The following RAPGEF4 variants were observed in gnomAD, a reference collection of about 807,000 sequenced individuals.
The protein encoded by RAPGEF4 is RAP guanine-nucleotide-exchange factor (GEF) 4.
A neutral mutation model predicts 147.9 loss-of-function variants in RAPGEF4; 66 were observed. That is an observed-to-expected ratio of 0.45 (90% CI 0.37 to 0.55). RAPGEF4 has a LOEUF of 0.55. Among genes scored for constraint, RAPGEF4 ranks in the 20% least tolerant of loss-of-function variants. The pLI is 0.00. For missense variants in RAPGEF4, 1,071 were observed against 1,257.3 expected, an observed-to-expected ratio of 0.85 and a Z score of 2.24; for synonymous variants, 419 against 442.7, an observed-to-expected ratio of 0.95 and a Z score of 0.67.
At chr2:172,876,180 C>G (rs185619366) in intron 4 of RAPGEF4, among the ~76,000 whole-genome samples, 21 of 152,234 alleles carry the variant, frequency 1.4e-4, no homozygotes, top group African/African-American at 4.6e-4. Context: ...AATATACAAT[C>G]AAGTCATCTG....
At chr2:172,799,742 TAAG>T (rs1686779506) in intron 3 of RAPGEF4, among the ~76,000 whole-genome samples, 2 of 151,562 alleles carry the variant, frequency 1.3e-5, no homozygotes, top group South Asian at 2.1e-4. Flanking sequence ...AGATGAGAAT[TAAG>T]GAGGAGAAAA....
chr2:172,991,629 A>G (rs998036275), intron 15 of RAPGEF4, among the ~76,000 whole-genome samples: 1 of 152,222 alleles, frequency 6.6e-6, no homozygotes, highest in Non-Finnish European at 1.5e-5. Context: ...AAATTGCAGA[A>G]TCTAGTTTTT....
chr2:172,865,427 C>G (rs1250216731), intron 4 of RAPGEF4, among the ~76,000 whole-genome samples: 1 of 152,174 alleles, frequency 6.6e-6, no homozygotes, highest in Non-Finnish European at 1.5e-5. Flanking sequence ...CTCCAGGAAG[C>G]CTTGGAAGGC....
chr2:172,755,994 C>T (rs1695736642), intron 1 of RAPGEF4, among the ~76,000 whole-genome samples: 1 of 152,176 alleles, frequency 6.6e-6, no homozygotes, highest in South Asian at 2.1e-4. Flanking sequence ...TCCAAGACTC[C>T]CTCTCGCCAG....
At chr2:173,029,936 C>G (rs1697026801) in intron 25 of RAPGEF4, among the ~76,000 whole-genome samples, 1 of 152,160 alleles carries the variant, frequency 6.6e-6, no homozygotes, top group Admixed American at 6.5e-5. Flanking sequence ...TTCTCAGATC[C>G]CAAACCTCAA....
At chr2:172,817,080 C>T (rs1302617237) in intron 4 of RAPGEF4, among the ~76,000 whole-genome samples, 1 of 152,132 alleles carries the variant, frequency 6.6e-6, no homozygotes, top group Non-Finnish European at 1.5e-5. Flanking sequence ...AGATTGAATT[C>T]TGTTTATTGT....
chr2:173,017,372 C>A, intron 20 of RAPGEF4, 54 bp from the exon 21 acceptor site: 1 of 1,539,388 alleles, frequency 6.5e-7, no homozygotes, highest in Non-Finnish European at 9.0e-7. Context: ...CTCTGAGATG[C>A]TAGCATGCAT....
chr2:172,936,875 A>G (rs1182787265), intron 6 of RAPGEF4, among the ~76,000 whole-genome samples: 1 of 151,780 alleles, frequency 6.6e-6, no homozygotes, highest in East Asian at 1.9e-4. Flanking sequence ...TTCTTAATGA[A>G]CAAATATTGA....
chr2:172,839,741 A>G (rs911283283), intron 4 of RAPGEF4, among the ~76,000 whole-genome samples: 1 of 152,162 alleles, frequency 6.6e-6, no homozygotes, highest in Non-Finnish European at 1.5e-5. Context: ...CATACCTCTG[A>G]CAGCTTTATC....
intron 21 of RAPGEF4, among the ~76,000 whole-genome samples, chr2:173,017,840 A>G (rs1350955514): frequency 1.3e-5 from 2 of 152,100 alleles, no homozygotes; most frequent in Admixed American, 1.3e-4. Flanking sequence ...GTGGGTGCCA[A>G]GGAGACAATG....
rs544012250 is a variant in RAPGEF4 at position 172,894,971 on chromosome 2, C to T, written c.445-22831C>T. ...GTTGCCCAATTGATACTATGTGCAT[C>T]GAGCCTCTTCAAAGAATGCCAAGCA... is the stretch of plus-strand genomic sequence containing the variant. On this transcript the variant is annotated intron_variant, in intron 4 of 30. Transcript: ENST00000397081. Among the ~76,000 whole-genome samples, 7 of 151,936 alleles carry T rather than the reference C, an allele frequency of 4.6e-5. No homozygotes were observed. In the East Asian group the frequency reaches 9.7e-4, roughly 21 times the overall value.
intron 1 of RAPGEF4, among the ~76,000 whole-genome samples, chr2:172,744,644 A>C (rs1434168396): frequency 6.6e-6 from 1 of 152,272 alleles, no homozygotes; most frequent in Non-Finnish European, 1.5e-5. Context: ...AGTTTTACTT[A>C]TTCTTTCTGA....
intron 1 of RAPGEF4, among the ~76,000 whole-genome samples, chr2:172,792,174 G>C (rs7560467): frequency 6.6e-6 from 1 of 152,320 alleles, no homozygotes; most frequent in South Asian, 2.1e-4. Flanking sequence ...GTGCTTTACT[G>C]TCTGGGATCC....
At chr2:173,001,849 T>C (rs564864043) in intron 17 of RAPGEF4, among the ~76,000 whole-genome samples, 1 of 151,926 alleles carries the variant, frequency 6.6e-6, no homozygotes, top group South Asian at 2.1e-4. Flanking sequence ...TCCACCCCCA[T>C]GAACCAAACA....
At chr2:172,825,742 A>G (rs1176170957) in intron 4 of RAPGEF4, among the ~76,000 whole-genome samples, 3 of 152,208 alleles carry the variant, frequency 2.0e-5, no homozygotes, top group Non-Finnish European at 4.4e-5. Context: ...TAAATCCACC[A>G]TAAACCTGGC....
At chr2:172,797,431 T>C in intron 2 of RAPGEF4, 94 bp from the exon 3 acceptor site, 1 of 973,084 alleles carries the variant, frequency 1.0e-6, no homozygotes, top group Non-Finnish European at 1.6e-6. Flanking sequence ...CTCAGTTAGG[T>C]CCAAGACATG....
chr2:172,954,109 G>A (rs769467777), intron 6 of RAPGEF4, among the ~76,000 whole-genome samples: 1 of 152,136 alleles, frequency 6.6e-6, no homozygotes, highest in Non-Finnish European at 1.5e-5. Context: ...AGGTAAAACT[G>A]GTGGGGTTGA....
At chr2:173,000,141 A>G (rs973348657) in intron 16 of RAPGEF4, among the ~76,000 whole-genome samples, 7 of 152,164 alleles carry the variant, frequency 4.6e-5, no homozygotes, top group Non-Finnish European at 7.3e-5. Context: ...TCTGTCTGAC[A>G]CCTTCTCTGC....
intron 17 of RAPGEF4, among the ~76,000 whole-genome samples, chr2:173,012,533 G>A (rs1695123319): frequency 6.6e-6 from 1 of 152,190 alleles, no homozygotes; most frequent in Non-Finnish European, 1.5e-5. Flanking sequence ...AAGCACAGTG[G>A]CAACGTAGCA....
Sources: gnomAD v4.1 joint callset for allele counts (sites outside exome capture counted in the v4.1 genomes callset) on GRCh38, gnomAD v4.1.1 for gene constraint, MANE v1.5 for transcripts, NCBI Gene and HGNC (gene_info 2026-07-23, HGNC 2026-07-21) for gene names.